Variants in FRMD7 observed in about 807,000 individuals in gnomAD.
FRMD7 encodes the protein FERM domain containing 7.
FRMD7 carries 14 observed loss-of-function variants against 44.1 expected under a neutral mutation model. The ratio of observed to expected loss-of-function variants is 0.32; its 90% CI spans 0.21 to 0.50. The LOEUF is 0.50. Ranked by LOEUF, FRMD7 falls within the 20% of genes least tolerant of loss-of-function variation. FRMD7 has a pLI of 0.99. For synonymous variants in FRMD7, 212 were observed against 187.4 expected, an observed-to-expected ratio of 1.13 and a Z score of -1.07; for missense variants, 501 against 522.3, an observed-to-expected ratio of 0.96 and a Z score of 0.40.
intron 11 of FRMD7, among the ~76,000 whole-genome samples, chrX:132,079,247 G>T (rs1255012919): frequency 4.5e-5 from 5 of 111,865 alleles, no homozygotes; most frequent in African/African-American, 1.3e-4. Context: ...TGGTTTAATA[G>T]CTATATTAGT....
chrX:132,107,634 G>GAGAGAGAGAGAGAGAGAGAGAGAGAGA (rs1928681190), intron 1 of FRMD7, among the ~76,000 whole-genome samples: 3 of 66,286 alleles, frequency 4.5e-5, no homozygotes, highest in African/African-American at 1.4e-4. Flanking sequence ...AGAGAGAGAG[G>GAGAGAGAGAGAGAGAGAGAGAGAGAGA]GAGGGAGAAT....
At chrX:132,103,346 C>CT (rs1457933564) in intron 1 of FRMD7, among the ~76,000 whole-genome samples, 2 of 111,189 alleles carry the variant, frequency 1.8e-5, no homozygotes, top group Admixed American at 9.6e-5. Flanking sequence ...ATTGCTTGGT[C>CT]TTTTTTAAGC....
At chrX:132,085,456 C>T (rs1269804549) in intron 7 of FRMD7, 125 bp downstream of exon 7, 6 of 578,259 alleles carry the variant, frequency 1.0e-5, no homozygotes, top group Non-Finnish European at 1.7e-5. Flanking sequence ...TATGATTGAC[C>T]ATTTCCCTTT....
At chrX:132,105,689 G>C (rs1337511184) in intron 1 of FRMD7, among the ~76,000 whole-genome samples, 1 of 111,289 alleles carries the variant, frequency 9.0e-6, no homozygotes, top group African/African-American at 3.3e-5. Context: ...AGAATAGAGA[G>C]TCCAGAAATA....
In FRMD7 at chrX:132,078,399, T is replaced by C; in HGVS notation, c.1618A>G (p.Met540Val). Residue 540 changes from methionine (M) to valine (V), a missense_variant, in exon 12 of 12, where the codon ATG becomes GTG. By Grantham distance (21) the Met-to-Val change is conservative. Around this residue, in one of 3 missense-constraint regions of FRMD7, gnomAD observed 453 missense variants for 452.7 expected, o/e 1.00. Transcript: ENST00000298542. ...PAERSPRNIR[M>V]KSFQQDLQVL... ...TGCAGGTCTTGCTGAAAGCTCTTCA[T>C]TCTGATATTCCTTGGGCTTCTTTCA... 1 of 1,211,652 alleles carries C rather than the reference T, an allele frequency of 8.3e-7. No individual in the cohort carries two copies. Among genetic ancestry groups the C allele is most frequent in the East Asian group, 3.0e-5 (1 of 33,846 alleles).
In FRMD7 at chrX:132,094,083, C is replaced by T; in HGVS notation, c.341G>A (p.Ser114Asn). The T allele has an allele frequency of 2.5e-6, 3 of 1,186,975 alleles. No homozygotes were observed. The highest frequency in any genetic ancestry group is 3.4e-6 in the Non-Finnish European group (3 of 872,877). Residue 114 changes from serine (S) to asparagine (N), a missense_variant, in exon 5 of 12, where the codon AGT becomes AAT. This residue lies in a region of FRMD7 where 453 missense variants were observed against 452.7 expected (regional missense o/e 1.00). Transcript: ENST00000298542. ...TACCATCAACGCTGTACAGTTGTCA[C>T]TGCATGGAAGCCTTCCTAGAGCCAA... ...KDLALGRLPC[S>N]DNCTALMVSH... is the part of the protein sequence containing the mutation.
chrX:132,124,039 C>T (rs1320576873), intron 1 of FRMD7, among the ~76,000 whole-genome samples: 4 of 111,689 alleles, frequency 3.6e-5, no homozygotes, highest in Non-Finnish European at 7.5e-5. Context: ...TCCAAAGGCA[C>T]TCATCACTAC....
intron 11 of FRMD7, 78 bp downstream of exon 11, chrX:132,079,928 A>G: frequency 1.4e-6 from 1 of 712,114 alleles, no homozygotes; most frequent in East Asian, 3.2e-5. Context: ...GGATTCTGGC[A>G]GAATCAATTC....
intron 1 of FRMD7, among the ~76,000 whole-genome samples, chrX:132,104,806 G>C (rs946899191): frequency 8.9e-6 from 1 of 112,461 alleles, no homozygotes; most frequent in Non-Finnish European, 1.9e-5. Context: ...CACTTTGACA[G>C]TGACCAATTG....
At chrX:132,126,585 A>G (rs1929161936) in intron 1 of FRMD7, among the ~76,000 whole-genome samples, 2 of 112,119 alleles carry the variant, frequency 1.8e-5, no homozygotes, top group Admixed American at 1.9e-4. Flanking sequence ...TTAAAAACTT[A>G]GCCTAAAGCA....
chrX:132,085,894 A>G, intron 6 of FRMD7, 26 bp downstream of exon 6: 2 of 1,054,731 alleles, frequency 1.9e-6, no homozygotes, highest in East Asian at 3.0e-5. Flanking sequence ...TACTGGGGGA[A>G]GCAGGTGCCA....
chrX:132,095,077 TA>T (rs1928289942), intron 4 of FRMD7, among the ~76,000 whole-genome samples: 5 of 100,085 alleles, frequency 5.0e-5, no homozygotes, highest in Non-Finnish European at 9.9e-5. Flanking sequence ...TTTATTTATT[TA>T]TTTATTTATT....
intron 1 of FRMD7, among the ~76,000 whole-genome samples, chrX:132,107,604 GGAGAGA>G (rs749047439): frequency 4.4e-5 from 4 of 91,189 alleles, no homozygotes; most frequent in African/African-American, 8.7e-5. Context: ...TCTACATGGT[GGAGAGA>G]GAGAGAGAGA....
intron 5 of FRMD7, among the ~76,000 whole-genome samples, chrX:132,093,125 A>G (rs5933065): frequency 1.8e-5 from 2 of 110,219 alleles, no homozygotes; most frequent in Non-Finnish European, 3.8e-5. Flanking sequence ...GCTCTCATTG[A>G]TTGTCCCTGC....
chrX:132,108,876 A>G (rs1049276566), intron 1 of FRMD7, among the ~76,000 whole-genome samples: 5 of 111,122 alleles, frequency 4.5e-5, no homozygotes, highest in Non-Finnish European at 9.4e-5. Flanking sequence ...AGCCCTGTGA[A>G]GAGGTGCCCG....
intron 1 of FRMD7, among the ~76,000 whole-genome samples, chrX:132,110,910 C>A (rs1206563238): frequency 1.8e-5 from 2 of 112,647 alleles, no homozygotes; most frequent in Non-Finnish European, 3.7e-5. Flanking sequence ...CTGGGCCACG[C>A]ACAGTGGCTC....
intron 1 of FRMD7, among the ~76,000 whole-genome samples, chrX:132,120,989 G>C (rs1182093785): frequency 8.9e-6 from 1 of 111,803 alleles, no homozygotes; most frequent in Non-Finnish European, 1.9e-5. Context: ...TTTCTGACCT[G>C]GGTTTAGAAG....
intron 1 of FRMD7, 94 bp from the exon 2 acceptor site, chrX:132,100,810 G>A: frequency 1.6e-6 from 1 of 637,636 alleles, no homozygotes. Context: ...CTCTCTGCAA[G>A]CCCTGTTTCC....
At chrX:132,123,065 G>A (rs1025989432) in intron 1 of FRMD7, among the ~76,000 whole-genome samples, 2 of 111,247 alleles carry the variant, frequency 1.8e-5, no homozygotes, top group South Asian at 3.8e-4. Context: ...ATTGGCCTTC[G>A]TTCTTCCCTT....
Sources: allele counts gnomAD v4.1 joint callset (sites outside exome capture counted in the v4.1 genomes callset), GRCh38; gene constraint gnomAD v4.1.1; regional missense constraint gnomAD v4.1.1; transcripts MANE v1.5; gene names NCBI Gene and HGNC (gene_info 2026-07-23, HGNC 2026-07-21).